The following EAF1 variants were observed in gnomAD, a reference collection of about 807,000 sequenced individuals.
EAF1 encodes ELL associated factor 1.
A neutral mutation model predicts 26.6 loss-of-function variants in EAF1; 19 were observed. The ratio of observed to expected loss-of-function variants is 0.71; its 90% CI spans 0.50 to 1.05. The LOEUF (loss-of-function observed/expected upper bound fraction) is 1.05. Ranked by LOEUF, EAF1 falls within the 50% of genes least tolerant of loss-of-function variation. The probability of loss-of-function intolerance (pLI) is 0.00; values close to 1 mark genes in which losing one functional copy is unlikely to be tolerated. For synonymous variants in EAF1, 102 were observed against 120.6 expected (o/e 0.85, Z 1.01); for missense variants, 260 against 335.5 (o/e 0.78, Z 1.76).
At chr3:15,431,188 G>C (rs2061799883) in intron 2 of EAF1, among the ~76,000 whole-genome samples, 2 of 152,094 alleles carry the variant, frequency 1.3e-5, no homozygotes, top group Non-Finnish European at 2.9e-5. Flanking sequence ...CCCACACATT[G>C]GCCCATTACT....
Position 15,442,208 on chromosome 3 carries a change from G to GGTGTGTGTGTGTGTGTGTGT in EAF1, c.*3062_*3081dup, listed in dbSNP as rs3067737. On this transcript the variant is annotated 3_prime_UTR_variant, in exon 6 of 6. Coordinates refer to ENST00000396842, the MANE Select transcript of EAF1 (RefSeq NM_033083.7). ...CCTATTTGAGAGGCTGGTTCAGCAG[G>GGTGTGTGTGTGTGTGTGTGT]GTGTGTGTGTGTGTGTGTGTGTGTG... 60 of 148,120 alleles carry GGTGTGTGTGTGTGTGTGTGT rather than the reference G, an allele frequency of 4.1e-4. No homozygotes were observed. The highest frequency in any genetic ancestry group is 1.4e-3 in the African/African-American group (56 of 40,472). 9.2% of individuals were successfully genotyped at this position (148,120 alleles called of 1,614,324 possible). A position where few individuals can be genotyped will look rare whatever the true frequency, so the allele number is the denominator to read the frequency against.
At chr3:15,433,301 T>TGTGCTGC (rs2061813475) in intron 3 of EAF1, 1 of 145,710 alleles carries the variant, frequency 6.9e-6, no homozygotes, top group African/African-American at 2.6e-5. Flanking sequence ...CCCCGGAGAG[T>TGTGCTGC]GTGCTGCAGA....
chr3:15,437,615 G>A (rs2061843441), intron 5 of EAF1, among the ~76,000 whole-genome samples: 1 of 152,164 alleles, frequency 6.6e-6, no homozygotes, highest in Non-Finnish European at 1.5e-5. Flanking sequence ...TGATACTAAA[G>A]TAAAACAGGA....
Position 15,439,087 on chromosome 3 carries a change from CTTTA to C in EAF1, c.761-18_761-15del. On this transcript the variant is annotated intron_variant, in intron 5 of 5. Coordinates refer to ENST00000396842, the MANE Select transcript of EAF1 (RefSeq NM_033083.7). ...ACTTTTGTTTGATTCTATGATTTTA[CTTTA>C]TTTTTTTTTTTAAATAGGAAATGAC... is the stretch of plus-strand genomic sequence containing the variant. The C allele has an allele frequency of 1.3e-6, 2 of 1,587,934 alleles. No homozygotes were observed. The highest frequency in any genetic ancestry group is 1.7e-6 in the Non-Finnish European group (2 of 1,166,246).
At position 15,440,440 on chromosome 3, in the gene EAF1, T is replaced by C. The variant is rs1265981657; in HGVS notation, c.*1285T>C. 6 of 152,150 alleles carry C rather than the reference T, an allele frequency of 3.9e-5. No individual in the cohort carries two copies. The highest frequency in any genetic ancestry group is 8.8e-5 in the Non-Finnish European group (6 of 68,030). The allele number at this position is 152,150 out of a possible 1,614,324, so 9.4% of individuals were successfully genotyped here. A position where few individuals can be genotyped will look rare whatever the true frequency, so the allele number is the denominator to read the frequency against. The stretch of plus-strand genomic sequence containing the variant: ...TGTAATCAGTATGGAGTAACCTGTT[T>C]TTGTAGTTTGGATGAATATGTCCTG... On this transcript the variant is annotated 3_prime_UTR_variant, in exon 6 of 6. Transcript: ENST00000396842.
intron 2 of EAF1, among the ~76,000 whole-genome samples, chr3:15,431,492 A>G (rs928396310): frequency 6.6e-6 from 1 of 152,206 alleles, no homozygotes; most frequent in Admixed American, 6.5e-5. Context: ...TCTGAAGCAC[A>G]TGCGCAGGGG....
At chr3:15,433,255 A>G (rs1383189666) in intron 3 of EAF1, 1 of 152,210 alleles carries the variant, frequency 6.6e-6, no homozygotes, top group Non-Finnish European at 1.5e-5. Context: ...AAAAAAAAAA[A>G]AGGTACGGAG....
rs34964079 is a variant in EAF1, at chr3:15,430,066, AT to A, written c.198+61del. 5,255 of 1,213,710 alleles carry A rather than the reference AT, an allele frequency of 4.3e-3. 141 individuals carry two copies. The African/African-American group carries it at 0.067, about 16-fold the overall frequency. The allele number at this position is 1,213,710 out of a possible 1,614,324, so 75.2% of individuals were successfully genotyped here. A position where few individuals can be genotyped will look rare whatever the true frequency, so the allele number is the denominator to read the frequency against. ...ATCACAATGAATCTTTGTCTTTTAT[AT>A]TATTGCAATTTAAACTTCCTACTTT... On this transcript the variant is annotated intron_variant, in intron 2 of 5. Transcript: ENST00000396842.
At position 15,438,986 on chromosome 3, in the gene EAF1, T is replaced by C. The variant is rs75328880; in HGVS notation, c.761-123T>C. 1,332 of 875,772 alleles carry C rather than the reference T, an allele frequency of 1.5e-3. 11 individuals carry two copies. In the African/African-American group the frequency reaches 0.02, roughly 13 times the overall value. The allele number at this position is 875,772 out of a possible 1,614,324, so 54.3% of individuals were successfully genotyped here. ...ATTTGATTTTCTTCCCTAAGTTGAA[T>C]TAACAAGGTTTTACTGTAGTGTGAT... On this transcript the variant is annotated intron_variant, in intron 5 of 5. Coordinates refer to ENST00000396842, the MANE Select transcript of EAF1 (RefSeq NM_033083.7).
intron 4 of EAF1, chr3:15,436,029 A>T (rs1419495669): frequency 5.5e-6 from 1 of 182,454 alleles, no homozygotes; most frequent in Admixed American, 5.7e-5. Flanking sequence ...CATAATATTC[A>T]TAATTTTTCT....
At chr3:15,434,241 G>T (rs2061820692) in intron 3 of EAF1, 107 bp from the exon 4 acceptor site, 1 of 1,301,506 alleles carries the variant, frequency 7.7e-7, no homozygotes, top group Admixed American at 2.2e-5. Flanking sequence ...GAAGTGGTCT[G>T]GAAAGAACAT....
rs1325008207 is a variant in EAF1, at chr3:15,427,730, G to C, written c.-50G>C. ...GACGCCAGCGCCAGAAGCTCGGATC[G>C]CGGCTGCACCGGGAGAGCGCCGATC... On this transcript the variant is annotated 5_prime_UTR_variant, in exon 1 of 6. Transcript: ENST00000396842. The C allele has an allele frequency of 2.0e-6, 3 of 1,528,036 alleles. No homozygotes were observed. The African/African-American group carries it at 4.1e-5, about 21-fold the overall frequency. 94.7% of individuals were successfully genotyped at this position (1,528,036 alleles called of 1,614,324 possible).
At chr3:15,429,780 T>C in intron 1 of EAF1, 133 bp from the exon 2 acceptor site, 1 of 671,426 alleles carries the variant, frequency 1.5e-6, no homozygotes, top group Admixed American at 2.7e-5. Flanking sequence ...AACGAAACAG[T>C]TTTTTAAGAA....
In EAF1 at chr3:15,430,011, A is replaced by T; in HGVS notation, c.198+4A>T. The T allele has an allele frequency of 6.4e-7, 1 of 1,559,764 alleles. No individual in the cohort carries two copies. Among genetic ancestry groups the T allele is most frequent in the Non-Finnish European group, 8.7e-7 (1 of 1,148,610 alleles). On this transcript the variant is annotated splice_donor_region_variant and intron_variant, in intron 2 of 5. Transcript: ENST00000396842. ...AATTACACTGCCACATATCCCTGTGAGTTTATTTCATTTTTTTTTTTAATG... is the reference window on the plus strand; with the variant it reads ...AATTACACTGCCACATATCCCTGTGTGTTTATTTCATTTTTTTTTTTAATG...
intron 4 of EAF1, among the ~76,000 whole-genome samples, chr3:15,435,953 T>C (rs528045639): frequency 3.5e-4 from 53 of 152,212 alleles, no homozygotes; most frequent in Admixed American, 3.9e-4. Flanking sequence ...TAGTCAAATA[T>C]TTTTCAACCA....
chr3:15,440,422 A>C lies in EAF1; in HGVS notation c.*1267A>C, dbSNP rs937315290. ...ATGTGTGATAAATCATCCTGTAATC[A>C]GTATGGAGTAACCTGTTTTTGTAGT... On this transcript the variant is annotated 3_prime_UTR_variant, in exon 6 of 6. Coordinates refer to ENST00000396842, the MANE Select transcript of EAF1 (RefSeq NM_033083.7). 19 of 152,216 alleles carry C rather than the reference A, an allele frequency of 1.2e-4. No homozygotes were observed. The highest frequency in any genetic ancestry group is 2.6e-4 in the Non-Finnish European group (18 of 68,044). 9.4% of individuals were successfully genotyped at this position (152,216 alleles called of 1,614,324 possible).
chr3:15,436,581 T>C lies in EAF1; in HGVS notation c.760+6T>C. On this transcript the variant is annotated splice_donor_region_variant and intron_variant, in intron 5 of 5. Coordinates refer to ENST00000396842, the MANE Select transcript of EAF1 (RefSeq NM_033083.7). ...CCAGCTCATGAACACCCTCAGTAAGTGTGTACTCCTTTTTATGGCTGAGAG... is the reference window on the plus strand; with the variant it reads ...CCAGCTCATGAACACCCTCAGTAAGCGTGTACTCCTTTTTATGGCTGAGAG... 1.9e-6 allele frequency: 3 copies of C among 1,564,822 alleles called. No individual in the cohort carries two copies. The highest frequency in any genetic ancestry group is 2.6e-6 in the Non-Finnish European group (3 of 1,143,548).
chr3:15,433,256 A>G (rs1249363357), intron 3 of EAF1: 1 of 144,676 alleles, frequency 6.9e-6, no homozygotes, highest in African/African-American at 2.7e-5. Context: ...AAAAAAAAAA[A>G]GGTACGGAGA....
chr3:15,441,937 A>G lies in EAF1; in HGVS notation c.*2782A>G, dbSNP rs2061873185. 6.6e-6 allele frequency: 1 copy of G among 152,572 alleles called. No homozygotes were observed. The highest frequency in any genetic ancestry group is 2.4e-5 in the African/African-American group (1 of 41,404). 9.5% of individuals were successfully genotyped at this position (152,572 alleles called of 1,614,324 possible). Reference sequence around the variant, plus strand: ...CTTTTTTTTGTGCTGTACAATGTCTACTGTACTGTGGGTCATTTAGATGAG... The same window carrying G: ...CTTTTTTTTGTGCTGTACAATGTCTGCTGTACTGTGGGTCATTTAGATGAG... On this transcript the variant is annotated 3_prime_UTR_variant, in exon 6 of 6. Transcript: ENST00000396842.
Sources: gnomAD v4.1 joint callset for allele counts (sites outside exome capture counted in the v4.1 genomes callset) on GRCh38, gnomAD v4.1.1 for gene constraint, MANE v1.5 for transcripts, NCBI Gene and HGNC (gene_info 2026-07-23, HGNC 2026-07-21) for gene names.